The following MUC4 variants were observed in gnomAD, a reference collection of about 807,000 sequenced individuals.
MUC4 encodes the protein mucin-4.
MUC4 carries 202 observed loss-of-function variants against 257.9 expected under a neutral mutation model. The observed-to-expected ratio is 0.78, with a 90% CI of 0.70 to 0.88. The LOEUF (loss-of-function observed/expected upper bound fraction) is 0.88, where lower values mean the gene tolerates loss of function less well. Among genes scored for constraint, MUC4 ranks in the 40% least tolerant of loss-of-function variants. MUC4 has a pLI of 0.00. For synonymous variants in MUC4, 2,351 were observed against 2,757.1 expected, an observed-to-expected ratio of 0.85 and a Z score of 4.62; for missense variants, 5,976 against 6,513.7, an observed-to-expected ratio of 0.92 and a Z score of 2.84.
intron 5 of MUC4, 58 bp from the exon 6 acceptor site, chr3:195,770,429 C>T: frequency 2.5e-6 from 4 of 1,593,852 alleles, no homozygotes; most frequent in Non-Finnish European, 3.4e-6. Context: ...TACACATGGG[C>T]CCCCCACTTT....
rs746090821 is a variant in MUC4, at chr3:195,789,871, T to C, written c.1709A>G (p.Glu570Gly). The change falls in exon 2 of 25, where the codon GAA (glutamate) becomes GGA (glycine). Residue 570 changes from glutamate (E) to glycine (G), a missense_variant. Glu to Gly is a moderately conservative substitution (Grantham distance 98). Transcript: ENST00000463781. ...AAGAGCCTCTCCAGTGGTCCCCGTT[T>C]CTTGTGTCCATTGTGTCTGGGCGCC... ...GAGAQTQWTQETGTTGEALLS... is the reference protein window; with the variant it reads ...GAGAQTQWTQGTGTTGEALLS... 1 of 1,613,934 alleles carries C rather than the reference T, an allele frequency of 6.2e-7. No individual in the cohort carries two copies.
In MUC4 at chr3:195,779,724, AGGGG is replaced by A. The variant is rs1726404398; in HGVS notation, c.11852_11855del (p.Thr3951IlefsTer307). 1.4e-6 allele frequency: 2 copies of A among 1,391,082 alleles called. 1 individual carries two copies. Among genetic ancestry groups the A allele is most frequent in the African/African-American group, 3.5e-5 (2 of 56,774 alleles). 86.2% of individuals were successfully genotyped at this position (1,391,082 alleles called of 1,614,324 possible). On this transcript the variant is annotated frameshift_variant, in exon 2 of 25. Transcript: ENST00000463781. LOFTEE classifies it high-confidence loss of function. ...CTGAGGAAGTGTCGGTGACAGGAAG[AGGGG>A]TGGTGTCACCTGTGGATGCTGAGGA...
intron 23 of MUC4, 172 bp downstream of exon 23, chr3:195,750,717 C>T (rs565014714): frequency 3.0e-6 from 2 of 663,394 alleles, no homozygotes; most frequent in African/African-American, 3.7e-5. Context: ...CTCAGCAGTG[C>T]TGGCTGCTCC....
In MUC4 at chr3:195,754,395, G is replaced by T. The variant is rs763607050; in HGVS notation, c.15169-23C>A. 3 of 1,589,558 alleles carry T rather than the reference G, an allele frequency of 1.9e-6. No individual in the cohort carries two copies. In the South Asian group the frequency reaches 3.4e-5, roughly 18 times the overall value. On this transcript the variant is annotated intron_variant, in intron 18 of 24. Coordinates refer to ENST00000463781, the MANE Select transcript of MUC4 (RefSeq NM_018406.7). The stretch of plus-strand genomic sequence containing the variant: ...CACCTGGAGGAGGGTTGCCGATCAC[G>T]GGCGGCCAGGAGACCAAACTGGGAA...
intron 13 of MUC4, 115 bp from the exon 14 acceptor site, chr3:195,762,369 AG>A (rs1719194376): frequency 8.4e-7 from 1 of 1,187,942 alleles, no homozygotes; most frequent in African/African-American, 1.6e-5. Context: ...TGAAGCCGGG[AG>A]GGGTCTGCAC....
At chr3:195,805,145 C>T (rs1372193906) in intron 1 of MUC4, among the ~76,000 whole-genome samples, 1 of 151,960 alleles carries the variant, frequency 6.6e-6, no homozygotes, top group African/African-American at 2.4e-5. Context: ...ACTGTAACCT[C>T]CACCTCCCAG....
intron 2 of MUC4, 80 bp from the exon 3 acceptor site, chr3:195,778,535 A>G: frequency 1.9e-6 from 3 of 1,564,208 alleles, no homozygotes; most frequent in Non-Finnish European, 1.7e-6. Flanking sequence ...AGAAATCAGG[A>G]GCTGGAAGAG....
chr3:195,748,964 G>C lies in MUC4; in HGVS notation c.15972C>G (p.Cys5324Trp). Residue 5324 changes from cysteine to tryptophan, a missense_variant, in exon 24 of 25, where the codon TGC becomes TGG. Cys to Trp is a radical substitution (Grantham distance 215, BLOSUM62 -2). Coordinates refer to ENST00000463781, the MANE Select transcript of MUC4 (RefSeq NM_018406.7). Reference protein sequence around the residue: ...PQSGFTCVSPCSRGYCDHGGQ... With the variant: ...PQSGFTCVSPWSRGYCDHGGQ... Reference sequence around the variant, plus strand: ...CTCCATGGTCACAGTAGCCCCTACTGCACGGGGACACGCAGGTGAAGCCGC... The same window carrying C: ...CTCCATGGTCACAGTAGCCCCTACTCCACGGGGACACGCAGGTGAAGCCGC... 6.2e-7 allele frequency: 1 copy of C among 1,608,388 alleles called. No individual in the cohort carries two copies. Among genetic ancestry groups the C allele is most frequent in the South Asian group, 1.1e-5 (1 of 89,904 alleles).
chr3:195,775,280 T>G (rs921940775), intron 3 of MUC4, among the ~76,000 whole-genome samples: 1 of 151,568 alleles, frequency 6.6e-6, no homozygotes, highest in East Asian at 1.9e-4. Context: ...CCGGCCGCAC[T>G]TTTTGCTACC....
intron 8 of MUC4, 70 bp downstream of exon 8, chr3:195,766,593 G>T: frequency 1.4e-6 from 2 of 1,391,958 alleles, no homozygotes; most frequent in Non-Finnish European, 2.0e-6. Flanking sequence ...CTAGGACTGC[G>T]ATGGTGTATG....
chr3:195,792,708 A>G (rs1478683783), intron 1 of MUC4, among the ~76,000 whole-genome samples: 1 of 152,224 alleles, frequency 6.6e-6, no homozygotes, highest in East Asian at 1.9e-4. Flanking sequence ...ACTATTTACA[A>G]TAGTAAAGAC....
At chr3:195,752,288 A>G in intron 21 of MUC4, 85 bp downstream of exon 21, 1 of 1,255,712 alleles carries the variant, frequency 8.0e-7, no homozygotes, top group Non-Finnish European at 1.2e-6. Context: ...GGATGACAAG[A>G]TGAAGGCCGC....
Position 195,790,264 on chromosome 3 carries a change from G to T in MUC4, c.1316C>A (p.Ser439Tyr). Residue 439 changes from serine (S) to tyrosine (Y), a missense_variant, in exon 2 of 25, where the codon TCC becomes TAC. Physicochemically the swap from Ser to Tyr is moderately radical, Grantham distance 144. Transcript: ENST00000463781. ...TATTTTTGGAGGTAGAGAACTGGGG[G>T]AGAGTGCTGTTGACAGAGTGTCTGA... is the stretch of plus-strand genomic sequence containing the variant. Reference protein sequence around the residue: ...WWSDTLSTALSPSSLPPKIST... With the variant: ...WWSDTLSTALYPSSLPPKIST... 6.2e-7 allele frequency: 1 copy of T among 1,614,044 alleles called. No homozygotes were observed. The highest frequency in any genetic ancestry group is 1.1e-5 in the South Asian group (1 of 91,088).
intron 3 of MUC4, 80 bp downstream of exon 3, chr3:195,778,223 G>T (rs892938945): frequency 6.1e-6 from 9 of 1,479,446 alleles, no homozygotes; most frequent in Non-Finnish European, 8.2e-6. Context: ...AGAGAGCGGA[G>T]ACTGTGGGAA....
intron 21 of MUC4, chr3:195,751,725 A>T: frequency 4.1e-6 from 1 of 244,586 alleles, no homozygotes; most frequent in Non-Finnish European, 7.9e-6. Context: ...TACCGTGTGG[A>T]GTGTGGAGTG....
At position 195,808,851 on chromosome 3, in the gene MUC4, G is replaced by A. The variant is rs150716139; in HGVS notation, c.82+2885C>T. The stretch of plus-strand genomic sequence containing the variant: ...GTCTGTGGAGAGTTTTGGTGTCCTC[G>A]GTGGCAAGTTGAGGTGGCCTGTCCC... On this transcript the variant is annotated intron_variant, in intron 1 of 24. Coordinates refer to ENST00000463781, the MANE Select transcript of MUC4 (RefSeq NM_018406.7). Among the ~76,000 whole-genome samples the A allele has an allele frequency of 1.6e-3, 247 of 152,278 alleles. 1 individual carries two copies. The highest frequency in any genetic ancestry group is 5.6e-3 in the African/African-American group (233 of 41,552).
Position 195,791,377 on chromosome 3 carries a change from T to G in MUC4, c.203A>C (p.Gln68Pro), listed in dbSNP as rs367990306. 14 of 1,613,916 alleles carry G rather than the reference T, an allele frequency of 8.7e-6. No individual in the cohort carries two copies. The highest frequency in any genetic ancestry group is 8.0e-5 in the African/African-American group (6 of 74,922). The change falls in exon 2 of 25, where the codon CAG becomes CCG. Residue 68 changes from glutamine to proline, a missense_variant. Gln to Pro is a moderately conservative substitution (Grantham distance 76). Around this residue, in one of 44 missense-constraint regions of MUC4, gnomAD observed 1,583 missense variants for 1,257.4 expected, o/e 1.26. Transcript: ENST00000463781. ...STAASSRTSN[Q>P]DISASSQNHQ... is the part of the protein sequence containing the mutation. ...GTTCTGAGATGAAGCTGATATGTCC[T>G]GATTAGAGGTCCTTGAAGAAGCTGC... is the stretch of plus-strand genomic sequence containing the variant.
In MUC4 at chr3:195,747,306, A is replaced by G; in HGVS notation, c.16109T>C (p.Phe5370Ser). 6.2e-7 allele frequency: 1 copy of G among 1,614,168 alleles called. No homozygotes were observed. The change falls in exon 25 of 25, where the codon TTC (phenylalanine) becomes TCC (serine). Residue 5370 changes from phenylalanine to serine, a missense_variant. Phe to Ser is a radical substitution (Grantham distance 155). Transcript: ENST00000463781. ...GCCCAGGGCCCCAAAGAAGATGCCG[A>G]AGAACGCGTCGAGTTTCATGCTCAG... ...EHLSMKLDAF[F>S]GIFFGALGGL...
At chr3:195,770,149 C>G in intron 6 of MUC4, 67 bp downstream of exon 6, 1 of 1,412,662 alleles carries the variant, frequency 7.1e-7, no homozygotes, top group South Asian at 1.5e-5. Context: ...AAGAGTGGCC[C>G]CTGCCTAGGA....
Sources: gnomAD v4.1 joint callset for allele counts (sites outside exome capture counted in the v4.1 genomes callset) on GRCh38, gnomAD v4.1.1 for gene constraint, gnomAD v4.1.1 regional missense constraint, MANE v1.5 for transcripts, NCBI Gene and HGNC (gene_info 2026-07-23, HGNC 2026-07-21) for gene names.